Variants in ADARB2 observed in about 807,000 individuals in gnomAD.
ADARB2 encodes the protein inactive double-stranded RNA-specific editase B2.
ADARB2 carries 25 observed loss-of-function variants against 62.2 expected under a neutral mutation model. The observed-to-expected ratio is 0.40, with a 90% CI of 0.29 to 0.56. ADARB2 has a LOEUF of 0.56. Among genes scored for constraint, ADARB2 ranks in the 20% least tolerant of loss-of-function variants. ADARB2 has a pLI of 0.43. For missense variants in ADARB2, 1,071 were observed against 1,077.4 expected (o/e 0.99, Z 0.08); for synonymous variants, 572 against 500.8 (o/e 1.14, Z -1.90).
intron 1 of ADARB2, among the ~76,000 whole-genome samples, chr10:1,496,392 T>A (rs1374662721): frequency 6.6e-6 from 1 of 151,968 alleles, no homozygotes; most frequent in South Asian, 2.1e-4. Flanking sequence ...ATCACCATCA[T>A]TATTACCAAC....
At chr10:1,232,304 A>C (rs1830811606) in intron 6 of ADARB2, among the ~76,000 whole-genome samples, 1 of 152,118 alleles carries the variant, frequency 6.6e-6, no homozygotes. Context: ...TGTATGTGAT[A>C]TGCACGTGGT....
chr10:1,263,202 A>G (rs1000880428), intron 4 of ADARB2, among the ~76,000 whole-genome samples: 7 of 152,022 alleles, frequency 4.6e-5, no homozygotes, highest in Non-Finnish European at 5.9e-5. Flanking sequence ...TACTGGGTGC[A>G]GCACACCAAC....
intron 1 of ADARB2, among the ~76,000 whole-genome samples, chr10:1,570,485 C>G (rs1832920809): frequency 6.6e-6 from 1 of 152,130 alleles, no homozygotes; most frequent in African/African-American, 2.4e-5. Flanking sequence ...GAAAGGCCTC[C>G]CTCCCGAGTG....
chr10:1,605,501 C>G (rs944644004), intron 1 of ADARB2, among the ~76,000 whole-genome samples: 1 of 152,206 alleles, frequency 6.6e-6, no homozygotes, highest in Non-Finnish European at 1.5e-5. Flanking sequence ...AGTAAAAAGT[C>G]CAGGGTGACC....
At chr10:1,292,872 C>G (rs1169030077) in intron 3 of ADARB2, 1 of 150,772 alleles carries the variant, frequency 6.6e-6, no homozygotes, top group Non-Finnish European at 1.5e-5. Context: ...AGAAATCATT[C>G]TGGTTTCTTG....
At chr10:1,624,285 A>T (rs1420755014) in intron 1 of ADARB2, among the ~76,000 whole-genome samples, 3 of 152,188 alleles carry the variant, frequency 2.0e-5, no homozygotes, top group Non-Finnish European at 4.4e-5. Flanking sequence ...AAAGAAAAAA[A>T]GAAAGAGAAT....
intron 1 of ADARB2, among the ~76,000 whole-genome samples, chr10:1,672,266 C>T (rs1588346761): frequency 6.6e-6 from 1 of 152,152 alleles, no homozygotes; most frequent in African/African-American, 2.4e-5. Context: ...TGCGGGCTGC[C>T]CAGGGATGTG....
At chr10:1,183,444 C>A in intron 9 of ADARB2, 75 bp from the exon 10 acceptor site, 1 of 1,551,724 alleles carries the variant, frequency 6.4e-7, no homozygotes. Flanking sequence ...TTTTACATGC[C>A]AGGCATCAGC....
At chr10:1,405,365 C>T (rs542734233) in intron 1 of ADARB2, among the ~76,000 whole-genome samples, 28 of 152,252 alleles carry the variant, frequency 1.8e-4, no homozygotes, top group African/African-American at 2.4e-4. Flanking sequence ...CTGGCTCTAG[C>T]GCCTCCACAA....
rs537776695 is a variant in ADARB2, at chr10:1,572,642, A to G, written c.100+164409T>C. On this transcript the variant is annotated intron_variant, in intron 1 of 9. Coordinates refer to ENST00000381312, the MANE Select transcript of ADARB2 (RefSeq NM_018702.4). ...GGATGTGGGCAGAACTTGGCATAAT[A>G]CTGAGCCCTCAGTAAATAGTAGATA... 4.9e-4 allele frequency among the ~76,000 whole-genome samples: 75 copies of G among 152,288 alleles called. 2 individuals are homozygous for G. Among genetic ancestry groups the G allele is most frequent in the African/African-American group, 1.7e-3 (72 of 41,550 alleles).
intron 6 of ADARB2, among the ~76,000 whole-genome samples, chr10:1,221,808 C>T (rs191418299): frequency 2.0e-5 from 3 of 152,214 alleles, no homozygotes; most frequent in African/African-American, 7.2e-5. Context: ...TTTCTTAATC[C>T]AGTCTATCAT....
chr10:1,578,700 T>A (rs1475716020), intron 1 of ADARB2, among the ~76,000 whole-genome samples: 1 of 151,980 alleles, frequency 6.6e-6, no homozygotes, highest in East Asian at 1.9e-4. Flanking sequence ...TGCACACACA[T>A]GCTCATGCAC....
At chr10:1,590,137 C>A (rs376054103) in intron 1 of ADARB2, among the ~76,000 whole-genome samples, 1 of 152,176 alleles carries the variant, frequency 6.6e-6, no homozygotes, top group African/African-American at 2.4e-5. Flanking sequence ...GTCTTGGGTG[C>A]CCATGTGGTA....
At chr10:1,422,448 A>C (rs1832859914) in intron 1 of ADARB2, among the ~76,000 whole-genome samples, 1 of 152,108 alleles carries the variant, frequency 6.6e-6, no homozygotes, top group Non-Finnish European at 1.5e-5. Flanking sequence ...GCACAGGTGG[A>C]CCTCAACCCA....
intron 1 of ADARB2, among the ~76,000 whole-genome samples, chr10:1,402,240 C>T (rs1283378311): frequency 6.6e-6 from 1 of 152,174 alleles, no homozygotes; most frequent in African/African-American, 2.4e-5. Context: ...TGCTCTGGTC[C>T]AAAGTCAGTG....
chr10:1,485,927 C>G (rs75701096), intron 1 of ADARB2, among the ~76,000 whole-genome samples: 3,839 of 152,336 alleles, frequency 0.025, 179 homozygotes, highest in African/African-American at 0.086. Context: ...CTCTCCCTCT[C>G]TCTTCTAACT....
chr10:1,636,494 G>A (rs1159016390), intron 1 of ADARB2, among the ~76,000 whole-genome samples: 2 of 152,076 alleles, frequency 1.3e-5, no homozygotes, highest in African/African-American at 4.8e-5. Context: ...TCTAGCCTGG[G>A]GGACAGTGAG....
chr10:1,569,033 C>T (rs180941713), intron 1 of ADARB2, among the ~76,000 whole-genome samples: 74 of 150,718 alleles, frequency 4.9e-4, no homozygotes, highest in African/African-American at 1.7e-3. Flanking sequence ...AGAGACAGAG[C>T]GGGACAGAGA....
At chr10:1,719,403 A>T (rs1384536956) in intron 1 of ADARB2, among the ~76,000 whole-genome samples, 1 of 152,280 alleles carries the variant, frequency 6.6e-6, no homozygotes, top group African/African-American at 2.4e-5. Flanking sequence ...TTTGGATTTC[A>T]GAAAAAACAA....
Sources: gnomAD v4.1 joint callset for allele counts (sites outside exome capture counted in the v4.1 genomes callset) on GRCh38, gnomAD v4.1.1 for gene constraint, MANE v1.5 for transcripts, NCBI Gene and HGNC (gene_info 2026-07-23, HGNC 2026-07-21) for gene names.